Variants in RGS6 observed in about 807,000 individuals in gnomAD.
The protein encoded by RGS6 is regulator of G-protein signaling 6.
Under a neutral mutation model 78.5 loss-of-function variants are expected in RGS6, and 30 were observed. The observed-to-expected ratio is 0.38, with a 90% CI of 0.29 to 0.52. RGS6 has a LOEUF of 0.52. Ranked by LOEUF, RGS6 falls within the 20% of genes least tolerant of loss-of-function variation. RGS6 has a pLI of 0.85. For synonymous variants in RGS6, 206 were observed against 206.0 expected, an observed-to-expected ratio of 1.00 and a Z score of 0.00; for missense variants, 495 against 609.7, an observed-to-expected ratio of 0.81 and a Z score of 1.98.
chr14:72,436,116 A>G (rs377627012), intron 3 of RGS6, among the ~76,000 whole-genome samples: 3 of 152,186 alleles, frequency 2.0e-5, no homozygotes, highest in Non-Finnish European at 2.9e-5. Context: ...TTTAGCAGCC[A>G]TTGTGAACCA....
At chr14:72,116,045 A>G (rs2095877245) in intron 2 of RGS6, among the ~76,000 whole-genome samples, 1 of 152,258 alleles carries the variant, frequency 6.6e-6, no homozygotes, top group Non-Finnish European at 1.5e-5. Context: ...TGACACATTC[A>G]AAAGCATTAT....
At chr14:72,325,122 T>C (rs1444236543) in intron 2 of RGS6, among the ~76,000 whole-genome samples, 2 of 152,262 alleles carry the variant, frequency 1.3e-5, no homozygotes, top group African/African-American at 4.8e-5. Context: ...ATGAGCATTT[T>C]TTCATGTGTG....
At chr14:72,587,010 C>T in the RGS6 span, among the ~76,000 whole-genome samples, 2 of 152,140 alleles carry the variant, frequency 1.3e-5, no homozygotes, top group Non-Finnish European at 2.9e-5. Flanking sequence ...CAGATTGAAT[C>T]ATCATACCAG....
At chr14:72,360,610 G>A (rs922474575) in intron 3 of RGS6, among the ~76,000 whole-genome samples, 1 of 151,958 alleles carries the variant, frequency 6.6e-6, no homozygotes, top group South Asian at 2.1e-4. Context: ...TGTGATGGGA[G>A]GTGGTGGAAG....
In RGS6 at chr14:72,485,356, C is replaced by T. The variant is rs147113415; in HGVS notation, c.854+7027C>T. Among the ~76,000 whole-genome samples, 12 of 152,306 alleles carry T rather than the reference C, an allele frequency of 7.9e-5. No homozygotes were observed. The East Asian group carries it at 2.1e-3, about 27-fold the overall frequency. On this transcript the variant is annotated intron_variant, in intron 12 of 17. Transcript: ENST00000553525. ...TCTTTACATACCTCTATTTTCTTCT[C>T]CCTTTTTGCTTCTCCTCTCCTACCT...
chr14:72,462,223 A>G (rs1236563880), intron 6 of RGS6, among the ~76,000 whole-genome samples: 1 of 152,182 alleles, frequency 6.6e-6, no homozygotes, highest in Non-Finnish European at 1.5e-5. Flanking sequence ...GAGAGGCAGC[A>G]TGATGCAGGG....
At chr14:72,481,876 T>G (rs2096387044) in intron 12 of RGS6, among the ~76,000 whole-genome samples, 1 of 147,986 alleles carries the variant, frequency 6.8e-6, no homozygotes. Context: ...TGGTGCAATC[T>G]CGGCTCACTG....
intron 2 of RGS6, among the ~76,000 whole-genome samples, chr14:72,088,999 C>T (rs545304921): frequency 4.4e-4 from 67 of 152,362 alleles, no homozygotes; most frequent in African/African-American, 1.5e-3. Flanking sequence ...GTAGTCCAGC[C>T]CCACCTCGAA....
intron 3 of RGS6, among the ~76,000 whole-genome samples, chr14:72,384,491 A>G (rs2087228127): frequency 6.6e-6 from 1 of 152,230 alleles, no homozygotes. Context: ...TACTAGTATA[A>G]TTTAGTGGTT....
At chr14:72,411,252 G>C (rs2093391721) in intron 3 of RGS6, among the ~76,000 whole-genome samples, 2 of 152,180 alleles carry the variant, frequency 1.3e-5, no homozygotes, top group African/African-American at 4.8e-5. Flanking sequence ...TCATTGAGTA[G>C]TGGTTTGTAG....
chr14:72,087,658 A>C (rs2095103983), intron 2 of RGS6, among the ~76,000 whole-genome samples: 1 of 152,058 alleles, frequency 6.6e-6, no homozygotes, highest in Non-Finnish European at 1.5e-5. Context: ...AAAACAGACA[A>C]AATTCAGAAT....
chr14:71,879,938 G>T, the RGS6 span, among the ~76,000 whole-genome samples: 2 of 152,228 alleles, frequency 1.3e-5, no homozygotes, highest in Non-Finnish European at 2.9e-5. Context: ...GAAAAAGGGG[G>T]AAAGTTTGGA....
At chr14:72,251,095 G>C (rs372017258) in intron 2 of RGS6, among the ~76,000 whole-genome samples, 1 of 152,182 alleles carries the variant, frequency 6.6e-6, no homozygotes, top group East Asian at 1.9e-4. Context: ...TTTTAAGAGA[G>C]CTTAATGGAC....
At position 72,275,369 on chromosome 14, in the gene RGS6, A is replaced by G. The variant is rs556738334; in HGVS notation, c.85-76726A>G. ...CCCCAGAACCAAGTTAGGCTAGTTCATGAGGCATTTCAGATAGCTGAAGGG... is the reference window on the plus strand; with the variant it reads ...CCCCAGAACCAAGTTAGGCTAGTTCGTGAGGCATTTCAGATAGCTGAAGGG... On this transcript the variant is annotated intron_variant, in intron 2 of 17. Coordinates refer to ENST00000553525, the MANE Select transcript of RGS6 (RefSeq NM_001204424.2). Among the ~76,000 whole-genome samples the G allele has an allele frequency of 8.5e-5, 13 of 152,334 alleles. No homozygotes were observed. The East Asian group carries it at 2.5e-3, about 29-fold the overall frequency.
intron 12 of RGS6, among the ~76,000 whole-genome samples, chr14:72,483,230 G>C (rs531375108): frequency 3.3e-5 from 5 of 152,132 alleles, no homozygotes; most frequent in African/African-American, 4.8e-5. Context: ...GACTTCTCCC[G>C]ACCCATAGCG....
intron 2 of RGS6, among the ~76,000 whole-genome samples, chr14:72,103,532 C>G (rs1030609852): frequency 6.6e-6 from 1 of 152,158 alleles, no homozygotes; most frequent in African/African-American, 2.4e-5. Context: ...TTCTCCTGAA[C>G]TTACGTATTT....
chr14:72,506,983 C>CTA (rs2096810556), intron 13 of RGS6, among the ~76,000 whole-genome samples: 1 of 21,026 alleles, frequency 4.8e-5, no homozygotes, highest in Non-Finnish European at 9.9e-5. Flanking sequence ...CCTGTCTCTA[C>CTA]TAAAAAAAAA....
chr14:72,599,575 AT>A, the RGS6 span, among the ~76,000 whole-genome samples: 12,804 of 103,338 alleles, frequency 0.12, 1,022 homozygotes, highest in African/African-American at 0.31. Flanking sequence ...CGCCTGGCTA[AT>A]TTTTTTTTTT....
chr14:71,891,325 C>G, the RGS6 span, among the ~76,000 whole-genome samples: 1 of 152,168 alleles, frequency 6.6e-6, no homozygotes, highest in East Asian at 1.9e-4. Context: ...GAGCTACGGT[C>G]ATCTGAAGGT....
Sources: gnomAD v4.1 joint callset for allele counts (sites outside exome capture counted in the v4.1 genomes callset) on GRCh38, gnomAD v4.1.1 for gene constraint, MANE v1.5 for transcripts, NCBI Gene and HGNC (gene_info 2026-07-23, HGNC 2026-07-21) for gene names.